BLK: variants seen among roughly 807,000 people sequenced by gnomAD.
BLK encodes BLK proto-oncogene, Src family tyrosine kinase, also known as tyrosine-protein kinase Blk.
In BLK, 64 loss-of-function variants were observed where a neutral mutation model predicts 61.8. That is an observed-to-expected ratio of 1.03 (90% CI 0.85 to 1.27). The LOEUF is 1.27. Ranked by LOEUF, BLK falls within the 50% of genes most tolerant of loss-of-function variation. The pLI, the probability that BLK is intolerant of heterozygous loss-of-function variation, is 0.00. For missense variants in BLK, 853 were observed against 660.5 expected (o/e 1.29, Z -3.19); for synonymous variants, 351 against 272.0 (o/e 1.29, Z -2.86).
intron 2 of BLK, among the ~76,000 whole-genome samples, chr8:11,544,032 G>A (rs1464428520): frequency 2.0e-5 from 3 of 150,914 alleles, no homozygotes; most frequent in Admixed American, 2.0e-4. Flanking sequence ...GTGGGACCTT[G>A]GCTCACTGCA....
intron 1 of BLK, among the ~76,000 whole-genome samples, chr8:11,530,426 G>A (rs1046831865): frequency 1.3e-5 from 2 of 152,158 alleles, no homozygotes; most frequent in Non-Finnish European, 2.9e-5. Context: ...GGTCAGCCTC[G>A]ATTTCTTAAA....
Position 11,534,583 on chromosome 8 carries a change from C to A in BLK, c.-1-8641C>A, listed in dbSNP as rs149963231. ...CCTTCCTTCCTGAAGGTCTGCTCAG[C>A]ACCCTCAAACTTTTTACCACCTGAA... On this transcript the variant is annotated intron_variant, in intron 1 of 12. Coordinates refer to ENST00000259089, the MANE Select transcript of BLK (RefSeq NM_001715.3). Among the ~76,000 whole-genome samples the A allele has an allele frequency of 5.3e-3, 811 of 152,338 alleles. 8 individuals are homozygous for A. Among genetic ancestry groups the A allele is most frequent in the African/African-American group, 0.016 (680 of 41,572 alleles).
At chr8:11,497,580 C>A (rs1246485520) in intron 1 of BLK, among the ~76,000 whole-genome samples, 1 of 152,164 alleles carries the variant, frequency 6.6e-6, no homozygotes, top group East Asian at 1.9e-4. Context: ...GTCCCAGCAC[C>A]CAGCGCAGTG....
At chr8:11,544,987 T>A (rs1800561391) in intron 2 of BLK, among the ~76,000 whole-genome samples, 1 of 152,180 alleles carries the variant, frequency 6.6e-6, no homozygotes, top group Non-Finnish European at 1.5e-5. Flanking sequence ...ACCCAGAATC[T>A]GTTTATCATT....
chr8:11,559,510 CACACACACAA>C (rs962864989), intron 10 of BLK, among the ~76,000 whole-genome samples: 16 of 60,080 alleles, frequency 2.7e-4, no homozygotes, highest in African/African-American at 6.5e-4. Context: ...CTCACAAACT[CACACACACAA>C]ACACACACAC....
chr8:11,562,536 C>A (rs1045296485), intron 11 of BLK, among the ~76,000 whole-genome samples: 2 of 152,168 alleles, frequency 1.3e-5, no homozygotes, highest in African/African-American at 2.4e-5. Flanking sequence ...CTCATAGCGG[C>A]CCTCGGAGGT....
chr8:11,502,453 G>A (rs1463348973), intron 1 of BLK, among the ~76,000 whole-genome samples: 1 of 151,956 alleles, frequency 6.6e-6, no homozygotes, highest in African/African-American at 2.4e-5. Context: ...ACAGGCACCC[G>A]CCACCATGCC....
At chr8:11,517,686 C>T (rs1001512940) in intron 1 of BLK, among the ~76,000 whole-genome samples, 23 of 152,154 alleles carry the variant, frequency 1.5e-4, no homozygotes, top group African/African-American at 4.3e-4. Context: ...AGGCAGGGGA[C>T]GGCTTCAGCT....
chr8:11,500,950 T>A (rs1184926897), intron 1 of BLK, among the ~76,000 whole-genome samples: 1 of 152,180 alleles, frequency 6.6e-6, no homozygotes, highest in Non-Finnish European at 1.5e-5. Context: ...GGCTCACACC[T>A]GTAATCCCAG....
At chr8:11,551,419 C>G (rs1800897965) in intron 6 of BLK, among the ~76,000 whole-genome samples, 1 of 152,186 alleles carries the variant, frequency 6.6e-6, no homozygotes, top group African/African-American at 2.4e-5. Flanking sequence ...TGTAAGGACA[C>G]CTGTCAATTT....
chr8:11,543,418 A>G (rs188274098), intron 2 of BLK, 71 bp downstream of exon 2: 108 of 1,589,510 alleles, frequency 6.8e-5, no homozygotes, highest in Middle Eastern at 5.0e-4. Context: ...CAAGTTTGTA[A>G]AATGGGTATA....
At chr8:11,535,267 A>AGAAAGAAG (rs1800073018) in intron 1 of BLK, among the ~76,000 whole-genome samples, 1 of 111,300 alleles carries the variant, frequency 9.0e-6, no homozygotes, top group Admixed American at 8.5e-5. Flanking sequence ...GAAAGAAGAA[A>AGAAAGAAG]GAAAGAAAGA....
At chr8:11,550,345 G>T in intron 6 of BLK, 83 bp downstream of exon 6, 1 of 1,320,412 alleles carries the variant, frequency 7.6e-7, no homozygotes, top group South Asian at 1.2e-5. Flanking sequence ...GGAGTGAGAG[G>T]GGAAGGGGTG....
At chr8:11,544,192 T>C (rs1346353789) in intron 2 of BLK, among the ~76,000 whole-genome samples, 1 of 152,184 alleles carries the variant, frequency 6.6e-6, no homozygotes, top group African/African-American at 2.4e-5. Flanking sequence ...CTTGAACTCC[T>C]GACCTCAGGT....
Position 11,555,420 on chromosome 8 carries a change from C to T in BLK, c.708C>T (p.Ile236=). 8 of 1,614,172 alleles carry T rather than the reference C, an allele frequency of 5.0e-6. No individual in the cohort carries two copies. Among genetic ancestry groups the T allele is most frequent in the Non-Finnish European group, 6.8e-6 (8 of 1,180,030 alleles). The stretch of plus-strand genomic sequence containing the variant: ...CCTGGGCCCAGGATGAATGGGAGAT[C>T]CCCCGGCAGTCTCTCAGGCTGGTCA... ...QNPWAQDEWE[I]PRQSLRLVRK... Residue 236 remains isoleucine, a synonymous_variant, in exon 8 of 13, where the codon ATC becomes ATT. Transcript: ENST00000259089.
intron 1 of BLK, among the ~76,000 whole-genome samples, chr8:11,518,247 C>T (rs544003826): frequency 3.9e-5 from 6 of 152,178 alleles, no homozygotes; most frequent in Non-Finnish European, 7.3e-5. Context: ...CCAGCTGAGA[C>T]GAAGCACCAG....
At chr8:11,563,505 T>C (rs1055026195) in intron 12 of BLK, among the ~76,000 whole-genome samples, 14 of 152,018 alleles carry the variant, frequency 9.2e-5, no homozygotes, top group African/African-American at 3.4e-4. Context: ...CCAGCCCCAG[T>C]CGAAGGGCTC....
At chr8:11,498,953 C>A (rs999319686) in intron 1 of BLK, among the ~76,000 whole-genome samples, 11 of 152,212 alleles carry the variant, frequency 7.2e-5, no homozygotes, top group Non-Finnish European at 1.6e-4. Context: ...ATGACAACTT[C>A]TTTGATTTAC....
At chr8:11,529,521 C>T (rs1175044777) in intron 1 of BLK, among the ~76,000 whole-genome samples, 1 of 152,078 alleles carries the variant, frequency 6.6e-6, no homozygotes, top group Non-Finnish European at 1.5e-5. Context: ...CAAAATATCT[C>T]AAGCGCTGAT....
Sources: gnomAD v4.1 joint callset for allele counts (sites outside exome capture counted in the v4.1 genomes callset) on GRCh38, gnomAD v4.1.1 for gene constraint, MANE v1.5 for transcripts, NCBI Gene and HGNC (gene_info 2026-07-23, HGNC 2026-07-21) for gene names.